The following PTPN20 variants were observed in gnomAD, a reference collection of about 807,000 sequenced individuals.
The protein encoded by PTPN20 is tyrosine-protein phosphatase non-receptor type 20.
A neutral mutation model predicts 35.0 loss-of-function variants in PTPN20; 9 were observed. The observed-to-expected ratio is 0.26, with a 90% CI of 0.15 to 0.45. The LOEUF (loss-of-function observed/expected upper bound fraction) is 0.45. Ranked by LOEUF, PTPN20 falls within the 20% of genes least tolerant of loss-of-function variation. PTPN20 has a pLI of 1.00. For missense variants in PTPN20, 111 were observed against 312.5 expected, an observed-to-expected ratio of 0.36 and a Z score of 4.86; for synonymous variants, 32 against 100.2, an observed-to-expected ratio of 0.32 and a Z score of 4.06.
At chr10:46,997,488 T>G (rs2059335079) in intron 9 of PTPN20, among the ~76,000 whole-genome samples, 1 of 151,974 alleles carries the variant, frequency 6.6e-6, no homozygotes, top group African/African-American at 2.4e-5. Context: ...TTTCTGGTCT[T>G]ATTGCTGTAC....
intron 1 of PTPN20, chr10:46,911,751 C>T: frequency 1.3e-5 from 1 of 79,410 alleles, no homozygotes; most frequent in Non-Finnish European, 2.0e-5. Flanking sequence ...TGTTGGGGCG[C>T]CTATGCGAGA....
chr10:46,931,846 T>C (rs1368960853), intron 1 of PTPN20, among the ~76,000 whole-genome samples: 1 of 146,248 alleles, frequency 6.8e-6, no homozygotes, highest in East Asian at 1.9e-4. Context: ...ATGGGAGCAA[T>C]GTAACATGGC....
At chr10:46,949,508 C>G (rs2046038538) in intron 5 of PTPN20, among the ~76,000 whole-genome samples, 1 of 151,998 alleles carries the variant, frequency 6.6e-6, no homozygotes, top group African/African-American at 2.4e-5. Flanking sequence ...ACTTGGTTGC[C>G]CTGCAACCTC....
intron 5 of PTPN20, among the ~76,000 whole-genome samples, chr10:46,949,377 A>G (rs1237669635): frequency 6.6e-6 from 1 of 152,190 alleles, no homozygotes; most frequent in East Asian, 1.9e-4. Context: ...TTTATGTCTG[A>G]ATACTTCTTT....
chr10:46,926,748 T>C (rs1304651120), intron 1 of PTPN20, among the ~76,000 whole-genome samples: 4 of 151,708 alleles, frequency 2.6e-5, no homozygotes, highest in African/African-American at 9.8e-5. Flanking sequence ...GGATATCAGA[T>C]ACAAACTCCC....
intron 4 of PTPN20, among the ~76,000 whole-genome samples, chr10:46,945,733 C>T (rs2044556916): frequency 2.0e-5 from 3 of 151,022 alleles, no homozygotes; most frequent in Admixed American, 6.6e-5. Context: ...ATAGCATTAG[C>T]GAGTCAGTTG....
chr10:46,925,949 T>C, intron 1 of PTPN20: 1 of 982,778 alleles, frequency 1.0e-6, no homozygotes, highest in South Asian at 4.7e-5. Context: ...GGAAGTTCTC[T>C]CTCTGACTTC....
intron 5 of PTPN20, among the ~76,000 whole-genome samples, chr10:46,951,387 C>T (rs1439562061): frequency 6.6e-6 from 1 of 152,186 alleles, no homozygotes; most frequent in Non-Finnish European, 1.5e-5. Context: ...TTTGTAGGAA[C>T]TCTTCACATG....
chr10:46,947,412 A>G (rs2045248452), intron 5 of PTPN20, among the ~76,000 whole-genome samples: 1 of 150,930 alleles, frequency 6.6e-6, no homozygotes, highest in Non-Finnish European at 1.5e-5. Context: ...CACCTTATGC[A>G]ATTATTAAAA....
At chr10:46,977,069 A>T (rs1264259352) in intron 7 of PTPN20, among the ~76,000 whole-genome samples, 3 of 152,244 alleles carry the variant, frequency 2.0e-5, no homozygotes, top group Non-Finnish European at 4.4e-5. Flanking sequence ...AAAAGATGTA[A>T]TTAACATTTA....
chr10:46,934,394 TTTTA>T (rs1446695779), intron 2 of PTPN20, among the ~76,000 whole-genome samples: 2 of 151,952 alleles, frequency 1.3e-5, no homozygotes, highest in Admixed American at 6.6e-5. Flanking sequence ...TTTGGCTACC[TTTTA>T]TTTGTTTCTG....
At chr10:46,999,807 T>A in intron 9 of PTPN20, 105 bp from the exon 10 acceptor site, 3 of 1,332,504 alleles carry the variant, frequency 2.3e-6, no homozygotes, top group Middle Eastern at 1.8e-4. Context: ...GAAAATGAGA[T>A]CTTTCTGATT....
chr10:46,949,118 G>A (rs1413744592), intron 5 of PTPN20, among the ~76,000 whole-genome samples: 1 of 151,882 alleles, frequency 6.6e-6, no homozygotes, highest in Admixed American at 6.6e-5. Flanking sequence ...TTTGTTCTGG[G>A]AGAAATAGGT....
chr10:46,999,355 C>T lies in PTPN20; in HGVS notation c.1135-557C>T, dbSNP rs985614963. 7.9e-5 allele frequency among the ~76,000 whole-genome samples: 12 copies of T among 152,204 alleles called. No homozygotes were observed. The East Asian group carries it at 2.3e-3, about 29-fold the overall frequency. Reference sequence around the variant, plus strand: ...GTTGAGCACACTTCTCAGTGCTGTGCCAGTGTCAAATTGCCATAAGAGTTT... The same window carrying T: ...GTTGAGCACACTTCTCAGTGCTGTGTCAGTGTCAAATTGCCATAAGAGTTT... On this transcript the variant is annotated intron_variant, in intron 9 of 10. Coordinates refer to ENST00000374339, the MANE Select transcript of PTPN20 (RefSeq NM_001042357.5).
chr10:47,000,301 G>A (rs1194524713), intron 10 of PTPN20, among the ~76,000 whole-genome samples: 3 of 152,118 alleles, frequency 2.0e-5, no homozygotes, highest in Non-Finnish European at 4.4e-5. Context: ...AACATTTCTG[G>A]ATAGCAGTTT....
chr10:46,928,483 AT>A (rs1555115973), intron 1 of PTPN20, among the ~76,000 whole-genome samples: 1 of 152,094 alleles, frequency 6.6e-6, no homozygotes, highest in African/African-American at 2.4e-5. Flanking sequence ...GAATCCTTTT[AT>A]TTTATTTTTC....
In PTPN20 at chr10:46,999,994, A is replaced by G. The variant is rs1333286833; in HGVS notation, c.1197+20A>G. On this transcript the variant is annotated intron_variant, in intron 10 of 10. Coordinates refer to ENST00000374339, the MANE Select transcript of PTPN20 (RefSeq NM_001042357.5). ...ACGAAGGTAAGCTTTCACCACATAC[A>G]TAATAATAAGAATAATGAATATAAA... 4 of 1,613,504 alleles carry G rather than the reference A, an allele frequency of 2.5e-6. No individual in the cohort carries two copies. Among genetic ancestry groups the G allele is most frequent in the East Asian group, 2.2e-5 (1 of 44,856 alleles).
chr10:46,953,920 C>A (rs1281444837), intron 5 of PTPN20, among the ~76,000 whole-genome samples: 1 of 128,694 alleles, frequency 7.8e-6, no homozygotes, highest in African/African-American at 3.5e-5. Context: ...GCAATGCTTC[C>A]CTTATAAAAT....
intron 1 of PTPN20, among the ~76,000 whole-genome samples, chr10:46,925,042 A>G (rs1158394218): frequency 6.6e-6 from 1 of 150,524 alleles, no homozygotes; most frequent in Non-Finnish European, 1.5e-5. Context: ...CACACACCGG[A>G]AAGACATATT....
Sources: gnomAD v4.1 joint callset for allele counts (sites outside exome capture counted in the v4.1 genomes callset) on GRCh38, gnomAD v4.1.1 for gene constraint, MANE v1.5 for transcripts, NCBI Gene and HGNC (gene_info 2026-07-23, HGNC 2026-07-21) for gene names.